ZDHHC21: variants seen among roughly 807,000 people sequenced by gnomAD.
ZDHHC21 encodes the protein palmitoyltransferase ZDHHC21.
In ZDHHC21, 15 loss-of-function variants were observed where a neutral mutation model predicts 34.6. That is an observed-to-expected ratio of 0.43 (90% CI 0.29 to 0.67). The LOEUF is 0.67. ZDHHC21 is among the 30% of genes least tolerant of loss of function. ZDHHC21 has a pLI of 0.14. For synonymous variants in ZDHHC21, 142 were observed against 101.8 expected, an observed-to-expected ratio of 1.40 and a Z score of -2.38; for missense variants, 344 against 327.7, an observed-to-expected ratio of 1.05 and a Z score of -0.38.
chr9:14,596,339 C>A, the ZDHHC21 span, among the ~76,000 whole-genome samples: 282 of 152,316 alleles, frequency 1.9e-3, 4 homozygotes, highest in African/African-American at 6.4e-3. Context: ...TGAGGCTGCG[C>A]CCCAAGCAAG....
At chr9:14,596,893 G>GTGTCAGAGAACTTCTGAGGCA in the ZDHHC21 span, among the ~76,000 whole-genome samples, 1 of 152,148 alleles carries the variant, frequency 6.6e-6, no homozygotes. Context: ...CAGCAGGGCA[G>GTGTCAGAGAACTTCTGAGGCA]TGTCAGAGAA....
In ZDHHC21 at chr9:14,664,640, G is replaced by C. The variant is rs1834064412; in HGVS notation, c.254-2314C>G. ...TTTGAAGAGAGCAGTGGTTCTCCCT[G>C]CACGCAGCTGGAGATCTGAGAACTG... On this transcript the variant is annotated intron_variant, in intron 5 of 9. Transcript: ENST00000380916. 4.6e-5 allele frequency among the ~76,000 whole-genome samples: 7 copies of C among 151,294 alleles called. No homozygotes were observed. The South Asian group carries it at 1.5e-3, about 32-fold the overall frequency.
intron 7 of ZDHHC21, among the ~76,000 whole-genome samples, chr9:14,642,051 T>A (rs1829471160): frequency 6.6e-6 from 1 of 152,102 alleles, no homozygotes; most frequent in South Asian, 2.1e-4. Flanking sequence ...TTAAAATAAT[T>A]TTTGGCCAAC....
chr9:14,589,949 C>G, the ZDHHC21 span: 1 of 151,994 alleles, frequency 6.6e-6, no homozygotes, highest in East Asian at 1.9e-4. Context: ...GGATATGTGA[C>G]CATGATGAGG....
At chr9:14,686,133 AC>A (rs531857667) in intron 2 of ZDHHC21, among the ~76,000 whole-genome samples, 84 of 152,270 alleles carry the variant, frequency 5.5e-4, no homozygotes, top group African/African-American at 2.0e-3. Flanking sequence ...CAGCAAATCA[AC>A]ATGGCACATG....
intron 8 of ZDHHC21, among the ~76,000 whole-genome samples, chr9:14,621,776 G>A (rs1333429416): frequency 6.6e-6 from 1 of 151,956 alleles, no homozygotes; most frequent in Non-Finnish European, 1.5e-5. Flanking sequence ...TAGCAGGACA[G>A]AAACAGCAAA....
intron 8 of ZDHHC21, among the ~76,000 whole-genome samples, chr9:14,623,384 C>T (rs1486499960): frequency 6.6e-6 from 1 of 151,834 alleles, no homozygotes; most frequent in Non-Finnish European, 1.5e-5. Context: ...AATTAGCAGG[C>T]ATGGCATGGT....
intron 8 of ZDHHC21, among the ~76,000 whole-genome samples, chr9:14,626,880 TA>T (rs1344642791): frequency 6.6e-6 from 1 of 152,080 alleles, no homozygotes; most frequent in African/African-American, 2.4e-5. Flanking sequence ...CATATAATAT[TA>T]CAATTGGGAA....
intron 2 of ZDHHC21, among the ~76,000 whole-genome samples, chr9:14,688,958 C>T (rs1202911105): frequency 1.3e-5 from 2 of 151,952 alleles, no homozygotes; most frequent in Admixed American, 6.6e-5. Context: ...GTGGGAGGAT[C>T]GCTTAAGCCA....
intron 6 of ZDHHC21, among the ~76,000 whole-genome samples, chr9:14,660,745 G>C (rs1057003497): frequency 3.3e-5 from 5 of 151,948 alleles, no homozygotes; most frequent in Admixed American, 3.3e-4. Flanking sequence ...TTAGAATTAA[G>C]GTTAAATAGC....
At chr9:14,590,399 A>G in the ZDHHC21 span, among the ~76,000 whole-genome samples, 6 of 152,188 alleles carry the variant, frequency 3.9e-5, no homozygotes, top group African/African-American at 1.4e-4. Flanking sequence ...GATGAAAATA[A>G]TAGACTCAAA....
chr9:14,659,181 A>G (rs1486804013), intron 6 of ZDHHC21, among the ~76,000 whole-genome samples: 1 of 152,148 alleles, frequency 6.6e-6, no homozygotes, highest in Non-Finnish European at 1.5e-5. Context: ...ATATGGAAAC[A>G]GGGAACAAAG....
intron 5 of ZDHHC21, among the ~76,000 whole-genome samples, chr9:14,665,424 G>A (rs1275777764): frequency 6.8e-6 from 1 of 146,450 alleles, no homozygotes; most frequent in East Asian, 2.1e-4. Flanking sequence ...AAAACACTCT[G>A]CAGGATATTA....
chr9:14,653,648 T>C (rs1831649411), intron 7 of ZDHHC21, among the ~76,000 whole-genome samples: 1 of 151,956 alleles, frequency 6.6e-6, no homozygotes. Context: ...TCTCATTCCC[T>C]ACTCTACAGC....
At chr9:14,674,507 G>C (rs1440766336) in intron 3 of ZDHHC21, 122 bp from the exon 4 acceptor site, 2 of 535,924 alleles carry the variant, frequency 3.7e-6, no homozygotes, top group African/African-American at 4.1e-5. Flanking sequence ...TTTTCTTTCT[G>C]TAGTTGATAT....
At chr9:14,681,749 G>GTGTGTA (rs1837417377) in intron 2 of ZDHHC21, among the ~76,000 whole-genome samples, 1 of 151,764 alleles carries the variant, frequency 6.6e-6, no homozygotes, top group African/African-American at 2.4e-5. Context: ...GTGTGTGTGT[G>GTGTGTA]TGTGTGTGTA....
chr9:14,664,289 C>T (rs1833966902), intron 5 of ZDHHC21, among the ~76,000 whole-genome samples: 1 of 152,202 alleles, frequency 6.6e-6, no homozygotes, highest in South Asian at 2.1e-4. Flanking sequence ...CCTAATACTG[C>T]GCTTTTCAGA....
chr9:14,679,929 C>T (rs1272252857), intron 3 of ZDHHC21, 104 bp downstream of exon 3: 2 of 152,324 alleles, frequency 1.3e-5, no homozygotes, highest in Admixed American at 6.6e-5. Context: ...AAAGTAACTA[C>T]ATTTGCTAAC....
chr9:14,609,226 T>C (rs767381112), downstream of ZDHHC21, among the ~76,000 whole-genome samples: 23 of 152,290 alleles, frequency 1.5e-4, no homozygotes, highest in Middle Eastern at 3.4e-3. Context: ...ATTTTAAATA[T>C]TGTTTGACAA....
Sources: allele counts gnomAD v4.1 joint callset (sites outside exome capture counted in the v4.1 genomes callset), GRCh38; gene constraint gnomAD v4.1.1; transcripts MANE v1.5; gene names NCBI Gene and HGNC (gene_info 2026-07-23, HGNC 2026-07-21).